The following PLCG2 variants were observed in gnomAD, a reference collection of about 807,000 sequenced individuals.
PLCG2 encodes 1-phosphatidylinositol 4,5-bisphosphate phosphodiesterase gamma-2.
A neutral mutation model predicts 175.6 loss-of-function variants in PLCG2; 69 were observed. The observed-to-expected ratio is 0.39, with a 90% CI of 0.32 to 0.48. The LOEUF (loss-of-function observed/expected upper bound fraction) is 0.48. PLCG2 is among the 20% of genes least tolerant of loss of function. The probability of loss-of-function intolerance (pLI) is 0.91; values close to 1 mark genes in which losing one functional copy is unlikely to be tolerated. For missense variants in PLCG2, 1,798 were observed against 1,650.9 expected, an observed-to-expected ratio of 1.09 and a Z score of -1.54; for synonymous variants, 827 against 624.0, an observed-to-expected ratio of 1.33 and a Z score of -4.85.
chr16:81,791,562 G>A (rs1187630225), intron 2 of PLCG2, among the ~76,000 whole-genome samples: 7 of 152,088 alleles, frequency 4.6e-5, no homozygotes, highest in Admixed American at 2.0e-4. Context: ...GCTTAGCTGG[G>A]ATTATTTTTT....
intron 1 of PLCG2, among the ~76,000 whole-genome samples, chr16:81,784,475 A>G (rs537875192): frequency 2.2e-4 from 34 of 152,346 alleles, no homozygotes; most frequent in African/African-American, 8.2e-4. Flanking sequence ...AAGCACAGAC[A>G]GCCCTGGCTG....
At chr16:81,938,780 T>C (rs1345466773) in intron 28 of PLCG2, 21 bp from the exon 29 acceptor site, 3 of 1,511,812 alleles carry the variant, frequency 2.0e-6, no homozygotes, top group Non-Finnish European at 2.7e-6. Flanking sequence ...GGGGTTCCAA[T>C]GCTTCCCTTT....
At chr16:81,841,820 A>G (rs1474383973) in intron 2 of PLCG2, among the ~76,000 whole-genome samples, 1 of 152,184 alleles carries the variant, frequency 6.6e-6, no homozygotes, top group Non-Finnish European at 1.5e-5. Flanking sequence ...AGACGCTGCT[A>G]CATGTGTGAA....
chr16:81,897,066 G>C (rs1269710403), intron 13 of PLCG2, among the ~76,000 whole-genome samples: 2 of 152,240 alleles, frequency 1.3e-5, no homozygotes, highest in Admixed American at 6.5e-5. Context: ...GAAGTGCAAA[G>C]CAGCCATGGG....
At chr16:81,809,130 G>T (rs1904296976) in intron 2 of PLCG2, among the ~76,000 whole-genome samples, 1 of 152,172 alleles carries the variant, frequency 6.6e-6, no homozygotes, top group South Asian at 2.1e-4. Context: ...TGGACTTGTT[G>T]CTTTTGTGGC....
chr16:81,960,854 T>C lies in PLCG2; in HGVS notation c.*2856T>C. ...CCAAGGAATACACAGACTCCAGTAC[T>C]CTCAGGGGAGCAGTGTTCAGAGCCT... On this transcript the variant is annotated 3_prime_UTR_variant, in exon 33 of 33. Transcript: ENST00000564138. 4.3e-6 allele frequency: 1 copy of C among 230,080 alleles called. No individual in the cohort carries two copies. The highest frequency in any genetic ancestry group is 6.2e-5 in the East Asian group (1 of 16,130). 14.3% of individuals were successfully genotyped at this position (230,080 alleles called of 1,614,324 possible).
chr16:81,793,397 A>G (rs901417611), intron 2 of PLCG2, among the ~76,000 whole-genome samples: 3 of 152,048 alleles, frequency 2.0e-5, no homozygotes, highest in Admixed American at 6.5e-5. Context: ...CATCTTGTGC[A>G]TTTGAAAGGC....
chr16:81,781,528 A>G (rs1380510324), intron 1 of PLCG2, among the ~76,000 whole-genome samples: 1 of 151,942 alleles, frequency 6.6e-6, no homozygotes, highest in African/African-American at 2.4e-5. Context: ...GGATCGAAGC[A>G]TATGCGTGTT....
intron 2 of PLCG2, among the ~76,000 whole-genome samples, chr16:81,846,115 G>C (rs1224532343): frequency 6.6e-6 from 1 of 152,326 alleles, no homozygotes; most frequent in East Asian, 1.9e-4. Context: ...GGAGTGTTGG[G>C]TGTCGTGGCT....
chr16:81,900,107 C>T (rs1216506343), intron 13 of PLCG2, among the ~76,000 whole-genome samples: 1 of 141,804 alleles, frequency 7.1e-6, no homozygotes, highest in East Asian at 2.1e-4. Flanking sequence ...TGTATGCATG[C>T]ACACATGCAA....
chr16:81,891,823 A>T (rs866347914), intron 11 of PLCG2, among the ~76,000 whole-genome samples: 15 of 152,220 alleles, frequency 9.9e-5, no homozygotes, highest in Non-Finnish European at 1.5e-4. Flanking sequence ...AAAAGCTAGT[A>T]AAAACAAAAG....
chr16:81,927,724 T>A (rs1910334087), intron 23 of PLCG2, among the ~76,000 whole-genome samples: 1 of 152,174 alleles, frequency 6.6e-6, no homozygotes, highest in South Asian at 2.1e-4. Context: ...AGGTGTTTAT[T>A]TTCTAAGGGA....
At position 81,956,880 on chromosome 16, in the gene PLCG2, G is replaced by T; in HGVS notation, c.3755+1G>T. 1 of 1,612,652 alleles carries T rather than the reference G, an allele frequency of 6.2e-7. No individual in the cohort carries two copies. The highest frequency in any genetic ancestry group is 8.5e-7 in the Non-Finnish European group (1 of 1,178,890). Reference sequence around the variant, plus strand: ...TGTACCAGGAGAAATGCAACAAGAGGTAGGTCAGCCCCTCCACCTGCAAAA... The same window carrying T: ...TGTACCAGGAGAAATGCAACAAGAGTTAGGTCAGCCCCTCCACCTGCAAAA... On this transcript the variant is annotated splice_donor_variant, in intron 32 of 32. Transcript: ENST00000564138. LOFTEE classifies it high-confidence loss of function.
At chr16:81,925,154 C>T (rs940732936) in intron 22 of PLCG2, among the ~76,000 whole-genome samples, 1 of 152,214 alleles carries the variant, frequency 6.6e-6, no homozygotes, top group African/African-American at 2.4e-5. Context: ...AGGCTCTTGT[C>T]TTAAGAGACT....
intron 1 of PLCG2, among the ~76,000 whole-genome samples, chr16:81,781,865 T>TC (rs11355840): frequency 2.7e-5 from 1 of 36,698 alleles, no homozygotes; most frequent in African/African-American, 1.1e-4. Context: ...TCATGTCCTT[T>TC]CCCCCCCCCC....
At chr16:81,900,859 A>G (rs1050570138) in intron 14 of PLCG2, 79 bp downstream of exon 14, 2 of 1,332,318 alleles carry the variant, frequency 1.5e-6, no homozygotes, top group African/African-American at 1.4e-5. Context: ...CCGTTCACCA[A>G]GTTCTATGTC....
rs184409507 is a variant in PLCG2 at position 81,854,452 on chromosome 16, A to T, written c.202A>T (p.Met68Leu). ...ADKIEGFLDI[M>L]EIKEIRPGKN... is the part of the protein sequence containing the mutation. Reference sequence around the variant, plus strand: ...TGTTAATTTCATTTTAGTGGATATCATGGAAATAAAAGAAATCCGCCCAGG... The same window carrying T: ...TGTTAATTTCATTTTAGTGGATATCTTGGAAATAAAAGAAATCCGCCCAGG... The change falls in exon 3 of 33, where the codon ATG (methionine) becomes TTG (leucine). Residue 68 changes from methionine to leucine, a missense_variant. Met to Leu is a conservative substitution (Grantham distance 15). Coordinates refer to ENST00000564138, the MANE Select transcript of PLCG2 (RefSeq NM_002661.5). 7.4e-6 allele frequency: 12 copies of T among 1,613,402 alleles called. No homozygotes were observed. The East Asian group carries it at 2.7e-4, about 36-fold the overall frequency.
intron 2 of PLCG2, among the ~76,000 whole-genome samples, chr16:81,831,337 A>G (rs772873552): frequency 6.6e-6 from 1 of 152,194 alleles, no homozygotes; most frequent in Non-Finnish European, 1.5e-5. Flanking sequence ...TGTTGACCTA[A>G]TGGCTGAATG....
chr16:81,893,103 C>T (rs1567519816), intron 11 of PLCG2, among the ~76,000 whole-genome samples: 1 of 152,184 alleles, frequency 6.6e-6, no homozygotes, highest in Non-Finnish European at 1.5e-5. Flanking sequence ...TCGTGATCTG[C>T]CCGCCTCAGC....
Sources: allele counts gnomAD v4.1 joint callset (sites outside exome capture counted in the v4.1 genomes callset), GRCh38; gene constraint gnomAD v4.1.1; transcripts MANE v1.5; gene names NCBI Gene and HGNC (gene_info 2026-07-23, HGNC 2026-07-21).